NALCN: variants seen among roughly 807,000 people sequenced by gnomAD.
The protein encoded by NALCN is sodium leak channel NALCN.
Under a neutral mutation model 225.3 loss-of-function variants are expected in NALCN, and 111 were observed. That is an observed-to-expected ratio of 0.49 (90% CI 0.42 to 0.58). The LOEUF (loss-of-function observed/expected upper bound fraction) is 0.58. Among genes scored for constraint, NALCN ranks in the 20% least tolerant of loss-of-function variants. NALCN has a pLI of 0.00. For missense variants in NALCN, 1,378 were observed against 2,202.4 expected (o/e 0.63, Z 7.49); for synonymous variants, 764 against 769.0 (o/e 0.99, Z 0.11).
chr13:101,227,473 C>T (rs2041189612), intron 13 of NALCN, among the ~76,000 whole-genome samples: 1 of 152,150 alleles, frequency 6.6e-6, no homozygotes, highest in African/African-American at 2.4e-5. Context: ...GAGTCCCCAT[C>T]TCCTCCCGTG....
intron 15 of NALCN, among the ~76,000 whole-genome samples, chr13:101,156,716 T>C (rs1452331790): frequency 6.6e-6 from 1 of 152,194 alleles, no homozygotes; most frequent in Non-Finnish European, 1.5e-5. Context: ...TTCCCTTATT[T>C]GTTGCACTTA....
At chr13:101,183,186 C>T (rs1409078803) in intron 14 of NALCN, among the ~76,000 whole-genome samples, 7 of 152,202 alleles carry the variant, frequency 4.6e-5, no homozygotes, top group Non-Finnish European at 7.3e-5. Flanking sequence ...GCGATGTCTG[C>T]ATATTACCTT....
At chr13:101,256,669 A>G (rs2042239412) in intron 11 of NALCN, among the ~76,000 whole-genome samples, 1 of 152,078 alleles carries the variant, frequency 6.6e-6, no homozygotes, top group Non-Finnish European at 1.5e-5. Flanking sequence ...ACTTCCTGGG[A>G]AAAACAGAAA....
chr13:101,166,331 G>A (rs190905294), intron 15 of NALCN, among the ~76,000 whole-genome samples: 32 of 151,866 alleles, frequency 2.1e-4, no homozygotes, highest in African/African-American at 7.5e-4. Flanking sequence ...ACTGTTTTCC[G>A]CAGCAGCAGC....
At chr13:101,110,990 A>T (rs373372073) in intron 19 of NALCN, 135 bp downstream of exon 19, 3 of 847,438 alleles carry the variant, frequency 3.5e-6, no homozygotes, top group Admixed American at 4.6e-5. Context: ...TGTAACAAAC[A>T]GCAAATAGAA....
intron 14 of NALCN, among the ~76,000 whole-genome samples, chr13:101,188,668 GTC>G (rs2039552029): frequency 7.4e-6 from 1 of 135,750 alleles, no homozygotes; most frequent in Non-Finnish European, 1.6e-5. Flanking sequence ...GTGTGTGTGT[GTC>G]TGTGTGTGTG....
rs528004586 is a variant in NALCN, at chr13:101,110,466, A to C, written c.2364+153T>G. Among the ~76,000 whole-genome samples the C allele has an allele frequency of 7.2e-4, 110 of 152,318 alleles. 1 individual carries two copies. Among genetic ancestry groups the C allele is most frequent in the African/African-American group, 2.6e-3 (108 of 41,582 alleles). ...AGTTACTTCTGATACTTGGCTACAT[A>C]ATTCATATCCTGAGTTTCCTGATTC... On this transcript the variant is annotated intron_variant, in intron 20 of 43. Coordinates refer to ENST00000251127, the MANE Select transcript of NALCN (RefSeq NM_052867.4).
intron 10 of NALCN, among the ~76,000 whole-genome samples, chr13:101,273,988 G>A (rs9513877): frequency 0.31 from 46,594 of 151,566 alleles, 7,560 homozygotes; most frequent in Non-Finnish European, 0.36. Context: ...TTACATTACA[G>A]GACACCATTT....
intron 10 of NALCN, among the ~76,000 whole-genome samples, chr13:101,266,277 C>G (rs1048412770): frequency 3.4e-5 from 3 of 89,146 alleles, no homozygotes; most frequent in Non-Finnish European, 9.9e-5. Context: ...GAAGGTGTAA[C>G]ATAAGAAATC....
chr13:101,131,803 T>C (rs1290921165), intron 17 of NALCN, among the ~76,000 whole-genome samples: 2 of 152,178 alleles, frequency 1.3e-5, no homozygotes, highest in Admixed American at 1.3e-4. Context: ...GGTTTTGATA[T>C]CTTGGTATTC....
At chr13:101,164,934 GGA>G (rs2038366983) in intron 15 of NALCN, among the ~76,000 whole-genome samples, 1 of 152,254 alleles carries the variant, frequency 6.6e-6, no homozygotes, top group Admixed American at 6.5e-5. Context: ...GGCTTCAAGT[GGA>G]GTTAGGTAGC....
At chr13:101,353,560 T>A (rs1594728619) in intron 6 of NALCN, among the ~76,000 whole-genome samples, 1 of 152,352 alleles carries the variant, frequency 6.6e-6, no homozygotes, top group East Asian at 1.9e-4. Flanking sequence ...AAACTTTCAA[T>A]GGCTCCGCCT....
At chr13:101,179,085 A>T (rs2039083450) in intron 14 of NALCN, among the ~76,000 whole-genome samples, 1 of 152,188 alleles carries the variant, frequency 6.6e-6, no homozygotes, top group African/African-American at 2.4e-5. Context: ...TGGATGTGTG[A>T]GGCACTGCCT....
chr13:101,143,694 C>T (rs1366806710), intron 16 of NALCN, among the ~76,000 whole-genome samples: 4 of 152,176 alleles, frequency 2.6e-5, no homozygotes, highest in Non-Finnish European at 4.4e-5. Context: ...GAACTCCCGA[C>T]CTCAGGTGAT....
At chr13:101,098,830 C>T (rs1388745116) in intron 27 of NALCN, among the ~76,000 whole-genome samples, 1 of 150,858 alleles carries the variant, frequency 6.6e-6, no homozygotes. Flanking sequence ...AAGACTCAAG[C>T]CCCGTCTCAC....
chr13:101,301,507 G>A (rs530223895), intron 7 of NALCN, among the ~76,000 whole-genome samples: 1 of 152,220 alleles, frequency 6.6e-6, no homozygotes, highest in South Asian at 2.1e-4. Flanking sequence ...TGGATCATGA[G>A]GTCAGGAGCT....
intron 18 of NALCN, among the ~76,000 whole-genome samples, chr13:101,112,191 A>T (rs1292888665): frequency 6.8e-6 from 1 of 146,506 alleles, no homozygotes; most frequent in East Asian, 2.1e-4. Flanking sequence ...TTAAAACCAC[A>T]GTTCAAAAAA....
At chr13:101,167,614 G>C (rs547874083) in intron 15 of NALCN, among the ~76,000 whole-genome samples, 24 of 150,774 alleles carry the variant, frequency 1.6e-4, no homozygotes, top group South Asian at 1.1e-3. Flanking sequence ...AGGCAGGTGA[G>C]TCACTTGAGG....
At chr13:101,161,220 T>C (rs9582451) in intron 15 of NALCN, among the ~76,000 whole-genome samples, 33,894 of 152,090 alleles carry the variant, frequency 0.22, 4,742 homozygotes, top group Non-Finnish European at 0.31. Flanking sequence ...ATGTCCACAT[T>C]TATATCTCTA....
Sources: gnomAD v4.1 joint callset for allele counts (sites outside exome capture counted in the v4.1 genomes callset) on GRCh38, gnomAD v4.1.1 for gene constraint, MANE v1.5 for transcripts, NCBI Gene and HGNC (gene_info 2026-07-23, HGNC 2026-07-21) for gene names.